ADAM18: variants seen among roughly 807,000 people sequenced by gnomAD.
ADAM18 encodes the protein disintegrin and metalloproteinase domain-containing protein 18.
A neutral mutation model predicts 94.4 loss-of-function variants in ADAM18; 117 were observed. The observed-to-expected ratio is 1.24, with a 90% CI of 1.07 to 1.45. ADAM18 has a LOEUF of 1.45. Ranked by LOEUF, ADAM18 falls within the 40% of genes most tolerant of loss-of-function variation. The pLI, the probability that ADAM18 is intolerant of heterozygous loss-of-function variation, is 0.00. For missense variants in ADAM18, 936 were observed against 880.0 expected (o/e 1.06, Z -0.81); for synonymous variants, 327 against 291.6 (o/e 1.12, Z -1.24).
chr8:39,677,823 GT>G (rs1237668585), intron 15 of ADAM18, among the ~76,000 whole-genome samples: 2 of 152,130 alleles, frequency 1.3e-5, no homozygotes, highest in Non-Finnish European at 2.9e-5. Context: ...TTCAAATGAA[GT>G]TTTGTATTAA....
At chr8:39,705,345 T>C (rs1445037896) in intron 17 of ADAM18, among the ~76,000 whole-genome samples, 1 of 152,178 alleles carries the variant, frequency 6.6e-6, no homozygotes, top group African/African-American at 2.4e-5. Flanking sequence ...CTTTTAAAGT[T>C]AGCAAAATAA....
At chr8:39,612,547 AG>A (rs766970048) in intron 6 of ADAM18, among the ~76,000 whole-genome samples, 1 of 152,156 alleles carries the variant, frequency 6.6e-6, no homozygotes, top group Non-Finnish European at 1.5e-5. Context: ...GGTTTGGTTC[AG>A]GAAGAGCTGC....
In ADAM18 at chr8:39,638,453, A is replaced by G. The variant is rs780607901; in HGVS notation, c.828-12A>G. 5.9e-6 allele frequency: 9 copies of G among 1,513,190 alleles called. No homozygotes were observed. Among genetic ancestry groups the G allele is most frequent in the South Asian group, 5.2e-5 (4 of 77,210 alleles). The allele number at this position is 1,513,190 out of a possible 1,614,324, so 93.7% of individuals were successfully genotyped here. On this transcript the variant is annotated splice_polypyrimidine_tract_variant and intron_variant, in intron 9 of 19. Coordinates refer to ENST00000265707, the MANE Select transcript of ADAM18 (RefSeq NM_014237.3). ...TGCATAACTACGTTAATAAAAAATT[A>G]TAATAATGTAGTTACAGGAAACATC...
At chr8:39,669,454 T>TCCCTCCC (rs1452569222) in intron 14 of ADAM18, among the ~76,000 whole-genome samples, 17 of 116,300 alleles carry the variant, frequency 1.5e-4, no homozygotes, top group Admixed American at 4.6e-4. Flanking sequence ...CCTAATGCTA[T>TCCCTCCC]CCCTCCCCCC....
rs149687679 is a variant in ADAM18, at chr8:39,616,492, A to G, written c.522+5786A>G. On this transcript the variant is annotated intron_variant, in intron 6 of 19. Transcript: ENST00000265707. ...TGCTATTCCTATCAAACAACCAACA[A>G]CGTTTTTCACGCAATTAGACAAAAC... Among the ~76,000 whole-genome samples the G allele has an allele frequency of 3.4e-3, 513 of 152,290 alleles. 4 individuals are homozygous for G. Among genetic ancestry groups the G allele is most frequent in the Admixed American group, 7.0e-3 (107 of 15,292 alleles).
chr8:39,602,264 A>G (rs1460678114), intron 2 of ADAM18, among the ~76,000 whole-genome samples: 4 of 152,188 alleles, frequency 2.6e-5, no homozygotes, highest in Admixed American at 2.0e-4. Flanking sequence ...GAACCTCTCT[A>G]GTATTTTTTG....
chr8:39,726,140 AC>A (rs1822899971), intron 19 of ADAM18, among the ~76,000 whole-genome samples: 1 of 151,898 alleles, frequency 6.6e-6, no homozygotes, highest in Admixed American at 6.6e-5. Context: ...GATGTTAAGT[AC>A]CTTTTGATAT....
chr8:39,677,299 G>C (rs1486132451), intron 14 of ADAM18, 132 bp from the exon 15 acceptor site: 1 of 646,742 alleles, frequency 1.5e-6, no homozygotes, highest in Non-Finnish European at 2.6e-6. Flanking sequence ...GCATTGACAG[G>C]GTATGCATAG....
chr8:39,718,755 G>A (rs1822654730), intron 18 of ADAM18, among the ~76,000 whole-genome samples: 1 of 78,956 alleles, frequency 1.3e-5, no homozygotes, highest in Non-Finnish European at 3.8e-5. Context: ...AATAGCATCA[G>A]AAAATAAAAT....
intron 13 of ADAM18, 120 bp from the exon 14 acceptor site, chr8:39,667,878 G>A: frequency 9.9e-7 from 1 of 1,008,772 alleles, no homozygotes; most frequent in South Asian, 1.6e-5. Context: ...ACGGACTTGG[G>A]AACTCTGGTG....
At chr8:39,701,919 T>A (rs1358190699) in intron 17 of ADAM18, among the ~76,000 whole-genome samples, 1 of 152,190 alleles carries the variant, frequency 6.6e-6, no homozygotes, top group Non-Finnish European at 1.5e-5. Flanking sequence ...TCCATGTATT[T>A]GCTATTGTGA....
Position 39,706,734 on chromosome 8 carries a change from G to A in ADAM18, c.1903-56G>A, listed in dbSNP as rs563200063. 3 of 887,082 alleles carry A rather than the reference G, an allele frequency of 3.4e-6. No homozygotes were observed. In the South Asian group the frequency reaches 4.7e-5, roughly 14 times the overall value. 55.0% of individuals were successfully genotyped at this position (887,082 alleles called of 1,614,324 possible). On this transcript the variant is annotated intron_variant, in intron 17 of 19. Coordinates refer to ENST00000265707, the MANE Select transcript of ADAM18 (RefSeq NM_014237.3). Reference sequence around the variant, plus strand: ...TATTTATATCAGATACAAAGACCTTGTATCAGATACAAAGACTAAGACGAC... The same window carrying A: ...TATTTATATCAGATACAAAGACCTTATATCAGATACAAAGACTAAGACGAC...
chr8:39,692,475 CAT>C (rs1208640097), intron 16 of ADAM18, 123 bp from the exon 17 acceptor site: 1 of 441,022 alleles, frequency 2.3e-6, no homozygotes, highest in Non-Finnish European at 4.1e-6. Context: ...TAATATTAGT[CAT>C]ATTAATATTA....
At chr8:39,630,711 G>A (rs1442336740) in intron 7 of ADAM18, among the ~76,000 whole-genome samples, 1 of 151,900 alleles carries the variant, frequency 6.6e-6, no homozygotes, top group Non-Finnish European at 1.5e-5. Flanking sequence ...TCTTGCTCAT[G>A]TCTTTTGGTA....
At chr8:39,729,746 T>C in intron 19 of ADAM18, 152 bp from the exon 20 acceptor site, 1 of 602,846 alleles carries the variant, frequency 1.7e-6, no homozygotes, top group Non-Finnish European at 2.9e-6. Flanking sequence ...ATGTAACATC[T>C]ATAATATAGA....
At chr8:39,675,038 C>A (rs1192904882) in intron 14 of ADAM18, among the ~76,000 whole-genome samples, 1 of 152,202 alleles carries the variant, frequency 6.6e-6, no homozygotes, top group Non-Finnish European at 1.5e-5. Context: ...TGAACTTTCT[C>A]TCTGGCTGCC....
intron 11 of ADAM18, among the ~76,000 whole-genome samples, chr8:39,646,998 C>T (rs1217168167): frequency 3.3e-5 from 5 of 152,012 alleles, no homozygotes; most frequent in Non-Finnish European, 7.4e-5. Context: ...GGGTGGCCTG[C>T]CCCTCCACAC....
chr8:39,665,404 T>C (rs1820969705), intron 13 of ADAM18, among the ~76,000 whole-genome samples: 1 of 152,184 alleles, frequency 6.6e-6, no homozygotes, highest in Admixed American at 6.5e-5. Context: ...GCTACTTTAA[T>C]ATTCATAAGC....
chr8:39,615,227 A>T (rs1585900551), intron 6 of ADAM18, among the ~76,000 whole-genome samples: 2 of 115,118 alleles, frequency 1.7e-5, no homozygotes, highest in South Asian at 3.9e-4. Flanking sequence ...TCAACAAATT[A>T]AAAAAAAAAA....
Sources: gnomAD v4.1 joint callset for allele counts (sites outside exome capture counted in the v4.1 genomes callset) on GRCh38, gnomAD v4.1.1 for gene constraint, MANE v1.5 for transcripts, NCBI Gene and HGNC (gene_info 2026-07-23, HGNC 2026-07-21) for gene names.